The following RAP1GAP2 variants were observed in gnomAD, a reference collection of about 807,000 sequenced individuals.
RAP1GAP2 encodes RAP1 GTPase activating protein 2.
RAP1GAP2 carries 27 observed loss-of-function variants against 95.0 expected under a neutral mutation model. The observed-to-expected ratio is 0.28, with a 90% CI of 0.21 to 0.39. The LOEUF (loss-of-function observed/expected upper bound fraction) is 0.39. Among genes scored for constraint, RAP1GAP2 ranks in the 10% least tolerant of loss-of-function variants. RAP1GAP2 has a pLI of 1.00. For synonymous variants in RAP1GAP2, 373 were observed against 380.9 expected, an observed-to-expected ratio of 0.98 and a Z score of 0.24; for missense variants, 771 against 970.0, an observed-to-expected ratio of 0.79 and a Z score of 2.72.
At chr17:2,887,006 A>G (rs1379603436) in intron 2 of RAP1GAP2, among the ~76,000 whole-genome samples, 2 of 152,220 alleles carry the variant, frequency 1.3e-5, no homozygotes, top group Non-Finnish European at 1.5e-5. Context: ...AAATGAAATA[A>G]CGTACATAAA....
chr17:2,807,517 G>A (rs1355740149), intron 2 of RAP1GAP2, among the ~76,000 whole-genome samples: 4 of 152,130 alleles, frequency 2.6e-5, no homozygotes, highest in East Asian at 1.9e-4. Flanking sequence ...GCCATGGCAC[G>A]GGACAAGGGC....
At position 3,033,683 on chromosome 17, in the gene RAP1GAP2, G is replaced by C. The variant is rs150495479; in HGVS notation, c.*322G>C. 6.6e-6 allele frequency: 1 copy of C among 152,562 alleles called. No individual in the cohort carries two copies. The allele number at this position is 152,562 out of a possible 1,614,324, so 9.5% of individuals were successfully genotyped here. Reference sequence around the variant, plus strand: ...ATTCATCCTGGAGAGGAAAAGTGTCGGGCAAAGGGGGATCTGGGGGGAGCT... The same window carrying C: ...ATTCATCCTGGAGAGGAAAAGTGTCCGGCAAAGGGGGATCTGGGGGGAGCT... On this transcript the variant is annotated 3_prime_UTR_variant, in exon 25 of 25. Transcript: ENST00000254695. This position sits in a 1 kb window ranked among gnomAD's most constrained non-coding sequence, Gnocchi z 4.9.
At chr17:2,954,718 C>T (rs1244242262) in intron 3 of RAP1GAP2, among the ~76,000 whole-genome samples, 1 of 151,994 alleles carries the variant, frequency 6.6e-6, no homozygotes, top group African/African-American at 2.4e-5. Flanking sequence ...CTCAGCCTCC[C>T]AAGTAGCTCA....
At chr17:2,880,009 G>A (rs1228092736) in intron 2 of RAP1GAP2, among the ~76,000 whole-genome samples, 1 of 152,026 alleles carries the variant, frequency 6.6e-6, no homozygotes, top group East Asian at 1.9e-4. Context: ...CTGCCCTCCT[G>A]GAGCTCACCG....
intron 2 of RAP1GAP2, among the ~76,000 whole-genome samples, chr17:2,890,685 C>CT (rs374485374): frequency 0.22 from 30,585 of 136,136 alleles, 3,966 homozygotes; most frequent in Non-Finnish European, 0.29. Flanking sequence ...TCAGTGTTTA[C>CT]TTTTTTTTTT....
intron 2 of RAP1GAP2, among the ~76,000 whole-genome samples, chr17:2,824,646 A>C (rs1365196069): frequency 6.7e-6 from 1 of 148,784 alleles, no homozygotes; most frequent in East Asian, 2.0e-4. Context: ...AGGCTGAGGC[A>C]GGAGAATTGC....
At chr17:2,899,011 C>T (rs1231389559) in intron 2 of RAP1GAP2, among the ~76,000 whole-genome samples, 1 of 144,810 alleles carries the variant, frequency 6.9e-6, no homozygotes, top group Non-Finnish European at 1.5e-5. Context: ...CATCACCGTT[C>T]TGTCTGTGGA....
At chr17:2,779,746 T>A (rs1304233802) in intron 1 of RAP1GAP2, among the ~76,000 whole-genome samples, 1 of 126,896 alleles carries the variant, frequency 7.9e-6, no homozygotes, top group Non-Finnish European at 1.6e-5. Flanking sequence ...TGGCATACGG[T>A]CATGGGCATG....
At position 2,905,280 on chromosome 17, in the gene RAP1GAP2, A is replaced by G. The variant is rs754186010; in HGVS notation, c.81-4A>G. On this transcript the variant is annotated splice_polypyrimidine_tract_variant and splice_region_variant and intron_variant, in intron 2 of 24. Transcript: ENST00000254695. ...CTCACTCACCTCTTTTGGCCTCTTC[A>G]CAGGAAGCAGGAGCTGGCCAACAGC... is the stretch of plus-strand genomic sequence containing the variant. 1.2e-6 allele frequency: 2 copies of G among 1,613,576 alleles called. No individual in the cohort carries two copies. Among genetic ancestry groups the G allele is most frequent in the Non-Finnish European group, 1.7e-6 (2 of 1,179,644 alleles).
chr17:2,781,956 G>A (rs1376296196), intron 1 of RAP1GAP2, among the ~76,000 whole-genome samples: 6 of 152,182 alleles, frequency 3.9e-5, no homozygotes, highest in African/African-American at 1.2e-4. Flanking sequence ...GTGTGTGCAT[G>A]TCTCTGTGTG....
At chr17:2,896,510 ATC>A (rs1016547215) in intron 2 of RAP1GAP2, among the ~76,000 whole-genome samples, 64 of 152,282 alleles carry the variant, frequency 4.2e-4, no homozygotes, top group African/African-American at 1.3e-3. Context: ...AGAACTCGGA[ATC>A]TCTGCTGGCT....
chr17:2,919,048 A>C (rs1224767814), intron 3 of RAP1GAP2, among the ~76,000 whole-genome samples: 1 of 152,152 alleles, frequency 6.6e-6, no homozygotes, highest in Non-Finnish European at 1.5e-5. Context: ...GGACGCCCTG[A>C]TTTCTGCCCT....
intron 1 of RAP1GAP2, among the ~76,000 whole-genome samples, chr17:2,785,363 A>T (rs1410248344): frequency 6.6e-6 from 1 of 151,746 alleles, no homozygotes; most frequent in Non-Finnish European, 1.5e-5. Flanking sequence ...CACCTTGCCT[A>T]GTTCACAAGA....
chr17:2,799,850 C>T lies in RAP1GAP2; in HGVS notation c.45-665C>T, dbSNP rs76849273. On this transcript the variant is annotated intron_variant, in intron 1 of 24. Coordinates refer to ENST00000254695, the MANE Select transcript of RAP1GAP2 (RefSeq NM_015085.5). The stretch of plus-strand genomic sequence containing the variant: ...GGGGGTAAAAATAGAACCTCAGCGG[C>T]GCTGTCTCCCCTTCCAGTGAGGGCG... 9.4e-3 allele frequency among the ~76,000 whole-genome samples: 1,424 copies of T among 152,262 alleles called. 28 individuals carry two copies. Among genetic ancestry groups the T allele is most frequent in the African/African-American group, 0.032 (1,338 of 41,540 alleles).
chr17:2,871,443 C>G lies in RAP1GAP2; in HGVS notation c.81-33841C>G, dbSNP rs551491820. 1.3e-5 allele frequency among the ~76,000 whole-genome samples: 2 copies of G among 152,250 alleles called. No individual in the cohort carries two copies. The highest frequency in any genetic ancestry group is 4.1e-4 in the South Asian group (2 of 4,828). ...GCCCAGGGAGAGTCAGGGGCGCACT[C>G]TGGTCAGAGTGGTGTTGTGTTACAA... On this transcript the variant is annotated intron_variant, in intron 2 of 24. Transcript: ENST00000254695. This position sits in a 1 kb window ranked among gnomAD's most constrained non-coding sequence, Gnocchi z 5.0.
chr17:2,911,712 G>GGGGGGGGGT (rs763105935), intron 3 of RAP1GAP2, among the ~76,000 whole-genome samples: 1 of 138,326 alleles, frequency 7.2e-6, no homozygotes, highest in African/African-American at 2.7e-5. Flanking sequence ...GGCGGGGTGG[G>GGGGGGGGGT]GCAGCCGGAA....
chr17:3,009,190 C>A (rs773586486), intron 17 of RAP1GAP2, among the ~76,000 whole-genome samples: 2 of 152,114 alleles, frequency 1.3e-5, no homozygotes, highest in African/African-American at 2.4e-5. Context: ...AAGCAGGACC[C>A]CTGTCAGAGC....
chr17:2,815,456 ATATTAT>A (rs10675930), intron 2 of RAP1GAP2, among the ~76,000 whole-genome samples: 22,975 of 139,984 alleles, frequency 0.16, 2,420 homozygotes, highest in East Asian at 0.45. Flanking sequence ...AACATCTCTG[ATATTAT>A]TATTATTATT....
At chr17:2,936,124 T>C (rs1217021250) in intron 3 of RAP1GAP2, among the ~76,000 whole-genome samples, 1 of 151,348 alleles carries the variant, frequency 6.6e-6, no homozygotes, top group Non-Finnish European at 1.5e-5. Flanking sequence ...TTTATTATTA[T>C]ACTTTAAGTT....
Sources: allele counts gnomAD v4.1 joint callset (sites outside exome capture counted in the v4.1 genomes callset), GRCh38; gene constraint gnomAD v4.1.1; non-coding constraint Gnocchi (gnomAD v3.1); transcripts MANE v1.5; gene names NCBI Gene and HGNC (gene_info 2026-07-23, HGNC 2026-07-21).